The following HCN1 variants were observed in gnomAD, a reference collection of about 807,000 sequenced individuals.
The protein encoded by HCN1 is potassium/sodium hyperpolarization-activated cyclic nucleotide-gated channel 1.
HCN1 carries 13 observed loss-of-function variants against 78.9 expected under a neutral mutation model. The observed-to-expected ratio is 0.16, with a 90% CI of 0.11 to 0.26. The LOEUF (loss-of-function observed/expected upper bound fraction) is 0.26, where lower values mean the gene tolerates loss of function less well. Ranked by LOEUF, HCN1 falls within the 10% of genes least tolerant of loss-of-function variation. The pLI, the probability that HCN1 is intolerant of heterozygous loss-of-function variation, is 1.00. For synonymous variants in HCN1, 552 were observed against 455.5 expected (o/e 1.21, Z -2.70); for missense variants, 810 against 1,154.3 (o/e 0.70, Z 4.32).
chr5:45,524,362 A>C (rs1428976165), intron 2 of HCN1, among the ~76,000 whole-genome samples: 1 of 152,084 alleles, frequency 6.6e-6, no homozygotes, highest in East Asian at 1.9e-4. Flanking sequence ...TTGGTTCCAT[A>C]TGAACTTTAA....
At chr5:45,326,932 C>T (rs1449424449) in intron 5 of HCN1, among the ~76,000 whole-genome samples, 1 of 151,614 alleles carries the variant, frequency 6.6e-6, no homozygotes, top group African/African-American at 2.4e-5. Context: ...TAATGCAAAA[C>T]TCTCTTAGTG....
At chr5:45,531,650 C>T (rs1306174083) in intron 2 of HCN1, among the ~76,000 whole-genome samples, 2 of 152,304 alleles carry the variant, frequency 1.3e-5, no homozygotes, top group Admixed American at 1.3e-4. Context: ...GCATACAATT[C>T]TCTGTCATTC....
At chr5:45,374,448 A>C (rs1747553594) in intron 4 of HCN1, among the ~76,000 whole-genome samples, 1 of 149,198 alleles carries the variant, frequency 6.7e-6, no homozygotes, top group Non-Finnish European at 1.5e-5. Flanking sequence ...AGACTGAATC[A>C]AGAAGAAATG....
chr5:45,588,781 C>T (rs372429642), intron 2 of HCN1, among the ~76,000 whole-genome samples: 14 of 152,198 alleles, frequency 9.2e-5, no homozygotes, highest in East Asian at 7.7e-4. Context: ...CTAACAGTAA[C>T]GAATAAGAAT....
intron 4 of HCN1, among the ~76,000 whole-genome samples, chr5:45,375,863 AT>A (rs1275741337): frequency 1.2e-4 from 14 of 119,760 alleles, no homozygotes; most frequent in African/African-American, 4.0e-4. Context: ...TTTATGATAT[AT>A]CTTATATATA....
chr5:45,559,538 T>A (rs1449907837), intron 2 of HCN1: 1 of 152,228 alleles, frequency 6.6e-6, no homozygotes, highest in African/African-American at 2.4e-5. Flanking sequence ...TAACTACACA[T>A]GTGGTAGAAA....
chr5:45,300,994 GA>G (rs1272928522), intron 6 of HCN1, among the ~76,000 whole-genome samples: 1 of 151,992 alleles, frequency 6.6e-6, no homozygotes, highest in Non-Finnish European at 1.5e-5. Context: ...TGGTGAGCAG[GA>G]AGTTAAAGAA....
At chr5:45,607,273 C>G (rs1248167047) in intron 2 of HCN1, among the ~76,000 whole-genome samples, 1 of 151,058 alleles carries the variant, frequency 6.6e-6, no homozygotes, top group East Asian at 1.9e-4. Flanking sequence ...TTAAAAATAC[C>G]TTTTTTAAGA....
chr5:45,288,751 T>C (rs1426280459), intron 6 of HCN1, among the ~76,000 whole-genome samples: 1 of 152,078 alleles, frequency 6.6e-6, no homozygotes, highest in Non-Finnish European at 1.5e-5. Context: ...CATAGTTTAG[T>C]AGGGAGAATC....
At chr5:45,545,197 C>G (rs939336951) in intron 2 of HCN1, among the ~76,000 whole-genome samples, 12 of 152,120 alleles carry the variant, frequency 7.9e-5, no homozygotes, top group Admixed American at 2.0e-4. Flanking sequence ...CTCTGATGGC[C>G]AGTGATGATG....
At chr5:45,599,706 G>A (rs1165655703) in intron 2 of HCN1, among the ~76,000 whole-genome samples, 1 of 151,970 alleles carries the variant, frequency 6.6e-6, no homozygotes, top group Non-Finnish European at 1.5e-5. Flanking sequence ...TACTATTGTT[G>A]TGAAAAAAAG....
At chr5:45,592,028 T>C (rs185793796) in intron 2 of HCN1, among the ~76,000 whole-genome samples, 36 of 152,298 alleles carry the variant, frequency 2.4e-4, no homozygotes, top group Admixed American at 1.8e-3. Context: ...GTCCATTTGT[T>C]CCAGCACCAT....
intron 5 of HCN1, among the ~76,000 whole-genome samples, chr5:45,327,972 A>G (rs1370087854): frequency 6.6e-6 from 1 of 151,624 alleles, no homozygotes; most frequent in Admixed American, 6.6e-5. Context: ...GCGTCCCTAA[A>G]AAACTAATAC....
intron 2 of HCN1, among the ~76,000 whole-genome samples, chr5:45,502,208 C>A (rs1742204968): frequency 6.6e-6 from 1 of 151,882 alleles, no homozygotes. Context: ...TGGCTCACAT[C>A]TATAATCCCA....
In HCN1 at chr5:45,303,719, C is replaced by A; in HGVS notation, c.1498G>T (p.Asp500Tyr). Residue 500 changes from aspartate to tyrosine, a missense_variant, in exon 6 of 8, where the codon GAT (aspartate) becomes TAT (tyrosine). This residue lies in a region of HCN1 where 100 missense variants were observed against 126.8 expected (regional missense o/e 0.79). Coordinates refer to ENST00000303230, the MANE Select transcript of HCN1 (RefSeq NM_021072.4). ...ACGGCTCCTTCTCGTATGATATAAT[C>A]TCCAGGTTGAAACACCTCAAATCTC... ...KLRFEVFQPG[D>Y]YIIREGAVGK... 5 of 1,613,678 alleles carry A rather than the reference C, an allele frequency of 3.1e-6. No homozygotes were observed. The highest frequency in any genetic ancestry group is 4.2e-6 in the Non-Finnish European group (5 of 1,179,802).
intron 6 of HCN1, among the ~76,000 whole-genome samples, chr5:45,276,065 T>G (rs1745050658): frequency 6.6e-6 from 1 of 152,028 alleles, no homozygotes; most frequent in Non-Finnish European, 1.5e-5. Flanking sequence ...CTATGTGGCT[T>G]AATATGCTTC....
chr5:45,569,141 C>G (rs1011873370), intron 2 of HCN1, among the ~76,000 whole-genome samples: 1 of 152,092 alleles, frequency 6.6e-6, no homozygotes, highest in Non-Finnish European at 1.5e-5. Flanking sequence ...AGCTAATGAC[C>G]TTTAGATCAT....
At chr5:45,328,041 T>C (rs1227868176) in intron 5 of HCN1, among the ~76,000 whole-genome samples, 1 of 151,726 alleles carries the variant, frequency 6.6e-6, no homozygotes, top group Non-Finnish European at 1.5e-5. Flanking sequence ...TCTGAAGATC[T>C]GCCAAGATGT....
intron 4 of HCN1, among the ~76,000 whole-genome samples, chr5:45,354,266 G>A (rs1333142036): frequency 2.0e-5 from 3 of 151,754 alleles, no homozygotes; most frequent in Admixed American, 6.6e-5. Context: ...CAATCCCTAG[G>A]TGTTTCAAAT....
Sources: allele counts gnomAD v4.1 joint callset (sites outside exome capture counted in the v4.1 genomes callset), GRCh38; gene constraint gnomAD v4.1.1; regional missense constraint gnomAD v4.1.1; transcripts MANE v1.5; gene names NCBI Gene and HGNC (gene_info 2026-07-23, HGNC 2026-07-21).